The following PTPRD variants were observed in gnomAD, a reference collection of about 807,000 sequenced individuals.
PTPRD encodes protein tyrosine phosphatase receptor type D.
PTPRD carries 34 observed loss-of-function variants against 214.5 expected under a neutral mutation model. The ratio of observed to expected loss-of-function variants is 0.16; its 90% CI spans 0.12 to 0.21. The LOEUF (loss-of-function observed/expected upper bound fraction) is 0.21. PTPRD is among the 10% of genes least tolerant of loss of function. PTPRD has a pLI of 1.00. For synonymous variants in PTPRD, 1,128 were observed against 845.7 expected (o/e 1.33, Z -5.79); for missense variants, 2,545 against 2,398.7 (o/e 1.06, Z -1.27).
At chr9:10,402,558 A>G (rs2098286966) in intron 2 of PTPRD, among the ~76,000 whole-genome samples, 1 of 151,764 alleles carries the variant, frequency 6.6e-6, no homozygotes, top group South Asian at 2.1e-4. Flanking sequence ...ATATCTTTTT[A>G]TTAACTACAG....
At chr9:9,291,312 C>A (rs2073020288) in intron 9 of PTPRD, among the ~76,000 whole-genome samples, 1 of 151,464 alleles carries the variant, frequency 6.6e-6, no homozygotes, top group East Asian at 2.0e-4. Flanking sequence ...TAAGATGGTT[C>A]TTTTAAACCG....
intron 10 of PTPRD, among the ~76,000 whole-genome samples, chr9:9,157,494 T>G (rs902321032): frequency 2.6e-5 from 4 of 152,116 alleles, no homozygotes; most frequent in African/African-American, 9.7e-5. Context: ...AACAACTGTA[T>G]GTCAAAAAAT....
At chr9:9,187,065 C>T (rs1593164214) in intron 9 of PTPRD, among the ~76,000 whole-genome samples, 1 of 151,820 alleles carries the variant, frequency 6.6e-6, no homozygotes, top group Non-Finnish European at 1.5e-5. Context: ...ATTTATTTTA[C>T]ATAATATATT....
chr9:8,564,074 G>T (rs566958900), intron 14 of PTPRD, among the ~76,000 whole-genome samples: 1 of 152,156 alleles, frequency 6.6e-6, no homozygotes, highest in Non-Finnish European at 1.5e-5. Flanking sequence ...TATGTGGTAC[G>T]ATACTCTCTG....
intron 5 of PTPRD, among the ~76,000 whole-genome samples, chr9:9,865,326 T>G (rs1335947759): frequency 6.6e-6 from 1 of 152,232 alleles, no homozygotes; most frequent in Admixed American, 6.5e-5. Context: ...GATTAAATAC[T>G]GAGAGCTCTG....
rs2098992261 is a variant in PTPRD, at chr9:10,142,420, A to G, written c.-544-108630T>C. ...CAGAATCTACAATGAACTCAAACAA[A>G]TTTACGAGAAAAAAACAAACAACTC... On this transcript the variant is annotated intron_variant, in intron 3 of 45. Transcript: ENST00000381196. Among the ~76,000 whole-genome samples, 4 of 152,040 alleles carry G rather than the reference A, an allele frequency of 2.6e-5. No individual in the cohort carries two copies. The Middle Eastern group carries it at 0.014, about 517-fold the overall frequency.
chr9:10,359,687 C>G (rs1354105224), intron 2 of PTPRD, among the ~76,000 whole-genome samples: 1 of 152,092 alleles, frequency 6.6e-6, no homozygotes, highest in Non-Finnish European at 1.5e-5. Context: ...CTGCAGCGAA[C>G]TAAGTTCTGC....
chr9:9,931,873 G>A (rs374657554), intron 5 of PTPRD, among the ~76,000 whole-genome samples: 2 of 150,750 alleles, frequency 1.3e-5, no homozygotes, highest in South Asian at 4.2e-4. Context: ...CACGCAGCTG[G>A]AGATCTGAGA....
At chr9:9,890,359 C>T (rs1192531191) in intron 5 of PTPRD, among the ~76,000 whole-genome samples, 2 of 151,736 alleles carry the variant, frequency 1.3e-5, no homozygotes, top group Non-Finnish European at 2.9e-5. Context: ...CCACGCCTGG[C>T]TATTTTTTTT....
chr9:9,081,624 G>C (rs550124651), intron 10 of PTPRD, among the ~76,000 whole-genome samples: 1 of 152,150 alleles, frequency 6.6e-6, no homozygotes, highest in South Asian at 2.1e-4. Context: ...TATTGTGTGG[G>C]AGTCTAAGTC....
chr9:10,333,411 A>G (rs975635892), intron 3 of PTPRD, among the ~76,000 whole-genome samples: 2 of 151,666 alleles, frequency 1.3e-5, no homozygotes, highest in Admixed American at 1.3e-4. Flanking sequence ...TTTGGCAGCT[A>G]TTTTCTCTAT....
chr9:8,802,097 C>T (rs745762790), intron 11 of PTPRD, among the ~76,000 whole-genome samples: 3 of 152,276 alleles, frequency 2.0e-5, no homozygotes, highest in Middle Eastern at 3.4e-3. Context: ...AAATTGCTCT[C>T]TTAATATACT....
intron 35 of PTPRD, among the ~76,000 whole-genome samples, chr9:8,410,871 AGG>A (rs1208284625): frequency 2.0e-5 from 3 of 152,194 alleles, no homozygotes; most frequent in Non-Finnish European, 4.4e-5. Context: ...GGGAACAAAA[AGG>A]ATAAACTATG....
intron 9 of PTPRD, among the ~76,000 whole-genome samples, chr9:9,327,853 T>C (rs993875273): frequency 2.0e-5 from 3 of 151,238 alleles, no homozygotes; most frequent in Non-Finnish European, 2.9e-5. Flanking sequence ...GGAAGAAGAA[T>C]TGTTTTGGGC....
chr9:9,370,374 C>T (rs906526352), intron 9 of PTPRD, among the ~76,000 whole-genome samples: 64 of 151,746 alleles, frequency 4.2e-4, no homozygotes, highest in Non-Finnish European at 8.2e-4. Flanking sequence ...TTTGAAGCAA[C>T]TGTGAATGGG....
intron 10 of PTPRD, among the ~76,000 whole-genome samples, chr9:9,175,706 G>T (rs1369107495): frequency 6.6e-6 from 1 of 151,048 alleles, no homozygotes; most frequent in African/African-American, 2.4e-5. Flanking sequence ...TTGTTTTGAG[G>T]AAGACTCTTC....
intron 7 of PTPRD, among the ~76,000 whole-genome samples, chr9:9,725,610 CAT>C (rs1169359504): frequency 1.3e-5 from 2 of 152,062 alleles, no homozygotes; most frequent in Non-Finnish European, 2.9e-5. Flanking sequence ...ATTTTTGTCT[CAT>C]ATTCTGGTTT....
intron 8 of PTPRD, among the ~76,000 whole-genome samples, chr9:9,566,627 A>C (rs1424039020): frequency 6.6e-6 from 1 of 152,028 alleles, no homozygotes; most frequent in Non-Finnish European, 1.5e-5. Flanking sequence ...AAGGCTAAAC[A>C]CTATAAAATA....
chr9:9,775,113 T>C (rs1245758006), intron 5 of PTPRD, among the ~76,000 whole-genome samples: 16 of 152,194 alleles, frequency 1.1e-4, no homozygotes, highest in Admixed American at 1.0e-3. Context: ...TTATCATCAG[T>C]CTGTAACAGG....
Sources: gnomAD v4.1 joint callset for allele counts (sites outside exome capture counted in the v4.1 genomes callset) on GRCh38, gnomAD v4.1.1 for gene constraint, MANE v1.5 for transcripts, NCBI Gene and HGNC (gene_info 2026-07-23, HGNC 2026-07-21) for gene names.